SPRYD3: variants seen among roughly 807,000 people sequenced by gnomAD.
SPRYD3 encodes SPRY domain-containing protein 3.
SPRYD3 carries 17 observed loss-of-function variants against 50.1 expected under a neutral mutation model. The ratio of observed to expected loss-of-function variants is 0.34; its 90% CI spans 0.23 to 0.51. SPRYD3 has a LOEUF of 0.51. Ranked by LOEUF, SPRYD3 falls within the 20% of genes least tolerant of loss-of-function variation. SPRYD3 has a pLI of 0.97. For missense variants in SPRYD3, 401 were observed against 591.2 expected (o/e 0.68, Z 3.34); for synonymous variants, 198 against 215.5 (o/e 0.92, Z 0.71).
intron 1 of SPRYD3, 43 bp from the exon 2 acceptor site, chr12:53,077,304 G>A (rs750331609): frequency 2.9e-5 from 47 of 1,609,740 alleles, no homozygotes; most frequent in Non-Finnish European, 3.8e-5. Flanking sequence ...CAGGGCCCTA[G>A]GTAAAGCACC....
At chr12:53,077,776 A>C (rs909371097) in intron 1 of SPRYD3, among the ~76,000 whole-genome samples, 2 of 152,220 alleles carry the variant, frequency 1.3e-5, no homozygotes, top group African/African-American at 4.8e-5. Context: ...AATGTGAGGG[A>C]GAATGTACAA....
intron 10 of SPRYD3, 39 bp from the exon 11 acceptor site, chr12:53,066,005 T>C (rs377455505): frequency 6.2e-5 from 99 of 1,596,116 alleles, no homozygotes; most frequent in South Asian, 7.9e-5. Flanking sequence ...GCAAGCAGGC[T>C]GTGGCCTCTT....
chr12:53,073,396 C>A lies in SPRYD3; in HGVS notation c.583G>T (p.Val195Leu). Residue 195 changes from valine (V) to leucine (L), a missense_variant, in exon 6 of 11, where the codon GTG becomes TTG. Val to Leu is a conservative substitution (Grantham distance 32). Transcript: ENST00000301463. ...AGCTCAGCGTTGAGGTGCAGCCGCA[C>A]CTCCTCACCCAGGGAGTGCATGCCC... ...AVGMHSLGEE[V>L]RLHLNAELGR... 6.3e-7 allele frequency: 1 copy of A among 1,583,062 alleles called. No homozygotes were observed. The highest frequency in any genetic ancestry group is 8.6e-7 in the Non-Finnish European group (1 of 1,164,402).
intron 2 of SPRYD3, 62 bp from the exon 3 acceptor site, chr12:53,075,873 T>G: frequency 4.4e-6 from 6 of 1,349,966 alleles, no homozygotes; most frequent in Non-Finnish European, 6.4e-6. Flanking sequence ...GGGGAGGGCC[T>G]CAGCTTCTCC....
chr12:53,069,586 C>T (rs1442281746), intron 6 of SPRYD3, among the ~76,000 whole-genome samples: 7 of 152,194 alleles, frequency 4.6e-5, no homozygotes, highest in Non-Finnish European at 8.8e-5. Flanking sequence ...ATCTCAGCCC[C>T]GCCACCTCAA....
In SPRYD3 at chr12:53,074,954, G is replaced by A; in HGVS notation, c.371+141C>T. 1.5e-6 allele frequency: 2 copies of A among 1,364,372 alleles called. No homozygotes were observed. Among genetic ancestry groups the A allele is most frequent in the Non-Finnish European group, 2.1e-6 (2 of 975,326 alleles). The allele number at this position is 1,364,372 out of a possible 1,614,324, so 84.5% of individuals were successfully genotyped here. A position where few individuals can be genotyped will look rare whatever the true frequency, so the allele number is the denominator to read the frequency against. Reference sequence around the variant, plus strand: ...CTCCTCTAGTCTGTAAGCCTTCAAGGGTGCTGCCAGGCCACTTCCCTGTCC... The same window carrying A: ...CTCCTCTAGTCTGTAAGCCTTCAAGAGTGCTGCCAGGCCACTTCCCTGTCC... On this transcript the variant is annotated intron_variant, in intron 4 of 10. Coordinates refer to ENST00000301463, the MANE Select transcript of SPRYD3 (RefSeq NM_032840.3). This position sits in a 1 kb window ranked among gnomAD's most constrained non-coding sequence, Gnocchi z 4.6.
Position 53,074,230 on chromosome 12 carries a change from G to A in SPRYD3, c.507+419C>T, listed in dbSNP as rs975226465. Among the ~76,000 whole-genome samples the A allele has an allele frequency of 2.0e-5, 3 of 152,168 alleles. No individual in the cohort carries two copies. Among genetic ancestry groups the A allele is most frequent in the Admixed American group, 6.5e-5 (1 of 15,278 alleles). Reference sequence around the variant, plus strand: ...CTACGAACAGGATAGTGAAAGAGACGTGAAACAAGGAAAACAGGACACAGA... The same window carrying A: ...CTACGAACAGGATAGTGAAAGAGACATGAAACAAGGAAAACAGGACACAGA... On this transcript the variant is annotated intron_variant, in intron 5 of 10. Transcript: ENST00000301463. This position sits in a 1 kb window ranked among gnomAD's most constrained non-coding sequence, Gnocchi z 4.6.
rs1944511167 is a variant in SPRYD3 at position 53,066,660 on chromosome 12, C to A, written c.934G>T (p.Gly312Trp). 3 of 1,613,484 alleles carry A rather than the reference C, an allele frequency of 1.9e-6. No individual in the cohort carries two copies. Among genetic ancestry groups the A allele is most frequent in the Non-Finnish European group, 2.5e-6 (3 of 1,179,698 alleles). The change falls in exon 9 of 11, where the codon GGG becomes TGG. Residue 312 changes from glycine (G) to tryptophan (W), a missense_variant. Transcript: ENST00000301463. ...TAACAGCGTGGCCCAAAGGGGTCCC[C>A]CACACCACTGCCATGGAAGATCTTC... is the stretch of plus-strand genomic sequence containing the variant. ...DGKIFHGSGV[G>W]DPFGPRCYKG...
At chr12:53,073,259 C>CCCGGGGGGGGGGGGGGGGG in intron 6 of SPRYD3, 27 bp downstream of exon 6, 31 of 400,924 alleles carry the variant, frequency 7.7e-5, no homozygotes, top group Non-Finnish European at 9.6e-5. Flanking sequence ...CGACCCAGCC[C>CCCGGGGGGGGGGGGGGGGG]CTCCCACCCT....
intron 6 of SPRYD3, 30 bp downstream of exon 6, chr12:53,073,256 G>GCCCCCGGGGGGGGGCCCCCCCCCCCC: frequency 2.4e-6 from 1 of 424,134 alleles, no homozygotes; most frequent in Non-Finnish European, 4.4e-6. Flanking sequence ...CTCCGACCCA[G>GCCCCCGGGGGGGGGCCCCCCCCCCCC]CCCCTCCCAC....
Position 53,068,159 on chromosome 12 carries a change from C to T in SPRYD3, c.839G>A (p.Arg280Gln), listed in dbSNP as rs1202852245. The T allele has an allele frequency of 4.3e-6, 7 of 1,614,226 alleles. No individual in the cohort carries two copies. Among genetic ancestry groups the T allele is most frequent in the East Asian group, 4.5e-5 (2 of 44,886 alleles). The change falls in exon 7 of 11, where the codon CGG becomes CAG. Residue 280 changes from arginine (R) to glutamine (Q), a missense_variant. Transcript: ENST00000301463. ...EKCYIALGLA[R>Q]KDYPKNRHPG... ...AAGCTCAGCCTTTGTGCCCACCTTCCGTGCCAGCCCCAGGGCGATGTAGCA... is the reference window on the plus strand; with the variant it reads ...AAGCTCAGCCTTTGTGCCCACCTTCTGTGCCAGCCCCAGGGCGATGTAGCA...
rs1452219567 is a variant in SPRYD3 at position 53,065,024 on chromosome 12, G to C, written c.*808C>G. On this transcript the variant is annotated 3_prime_UTR_variant, in exon 11 of 11. Coordinates refer to ENST00000301463, the MANE Select transcript of SPRYD3 (RefSeq NM_032840.3). ...GGGGTCTTGCCCTCACGCTGGCAGGGAGACAGGCCCCAGAGCCTCAGCCCC... is the reference window on the plus strand; with the variant it reads ...GGGGTCTTGCCCTCACGCTGGCAGGCAGACAGGCCCCAGAGCCTCAGCCCC... 1 of 152,556 alleles carries C rather than the reference G, an allele frequency of 6.6e-6. No individual in the cohort carries two copies. Among genetic ancestry groups the C allele is most frequent in the African/African-American group, 2.4e-5 (1 of 41,474 alleles). The allele number at this position is 152,556 out of a possible 1,614,324, so 9.5% of individuals were successfully genotyped here.
chr12:53,073,258 C>CCCGGGGGGGGGGGGG, intron 6 of SPRYD3, 28 bp downstream of exon 6: 1 of 397,790 alleles, frequency 2.5e-6, no homozygotes. Context: ...CCGACCCAGC[C>CCCGGGGGGGGGGGGG]CCTCCCACCC....
In SPRYD3 at chr12:53,075,239, GCA is replaced by G. The variant is rs764839169; in HGVS notation, c.247-22_247-21del. On this transcript the variant is annotated intron_variant, in intron 3 of 10. Transcript: ENST00000301463. Reference sequence around the variant, plus strand: ...AGACACCTGGAGAGAAGAAAGCAGGGCACAGTCAGCAGGGCTGGGAAATGGGA... The same window carrying G: ...AGACACCTGGAGAGAAGAAAGCAGGGCAGTCAGCAGGGCTGGGAAATGGGA... The G allele has an allele frequency of 5.0e-6, 8 of 1,591,448 alleles. No individual in the cohort carries two copies. In the African/African-American group the frequency reaches 1.1e-4, roughly 21 times the overall value.
In SPRYD3 at chr12:53,077,181, C is replaced by T. The variant is rs1944595230; in HGVS notation, c.104G>A (p.Arg35Gln). 2 of 1,614,080 alleles carry T rather than the reference C, an allele frequency of 1.2e-6. No homozygotes were observed. The highest frequency in any genetic ancestry group is 1.1e-5 in the South Asian group (1 of 91,086). The stretch of plus-strand genomic sequence containing the variant: ...CTGATATCGGAAAGCTCGGACCTCT[C>T]GAATCTCCCGGATCCGCCGGCGCCA... ...LNWRRRIREI[R>Q]EVRAFRYQER... Residue 35 changes from arginine (R) to glutamine (Q), a missense_variant, in exon 2 of 11, where the codon CGA becomes CAA. Physicochemically the swap from Arg to Gln is conservative, Grantham distance 43 (BLOSUM62 1). Coordinates refer to ENST00000301463, the MANE Select transcript of SPRYD3 (RefSeq NM_032840.3).
intron 10 of SPRYD3, 41 bp from the exon 11 acceptor site, chr12:53,066,007 T>C (rs1247208182): frequency 6.3e-7 from 1 of 1,595,084 alleles, no homozygotes; most frequent in Non-Finnish European, 8.6e-7. Flanking sequence ...AAGCAGGCTG[T>C]GGCCTCTTCC....
chr12:53,065,753 G>T lies in SPRYD3; in HGVS notation c.*79C>A. ...TCCAGGGGCCTGCTGGGTAAACGAAGCCTCTGGGAAGTCAGGAACTGGGTG... is the reference window on the plus strand; with the variant it reads ...TCCAGGGGCCTGCTGGGTAAACGAATCCTCTGGGAAGTCAGGAACTGGGTG... On this transcript the variant is annotated 3_prime_UTR_variant, in exon 11 of 11. Transcript: ENST00000301463. 1 of 1,483,146 alleles carries T rather than the reference G, an allele frequency of 6.7e-7. No homozygotes were observed. The highest frequency in any genetic ancestry group is 9.2e-7 in the Non-Finnish European group (1 of 1,084,360). 91.9% of individuals were successfully genotyped at this position (1,483,146 alleles called of 1,614,324 possible). A position where few individuals can be genotyped will look rare whatever the true frequency, so the allele number is the denominator to read the frequency against.
At chr12:53,071,465 T>A (rs1031789593) in intron 6 of SPRYD3, among the ~76,000 whole-genome samples, 1 of 152,062 alleles carries the variant, frequency 6.6e-6, no homozygotes, top group South Asian at 2.1e-4. Flanking sequence ...CCTCAACCCC[T>A]CAGAGCTCTG....
Position 53,066,691 on chromosome 12 carries a change from GTC to G in SPRYD3, c.902-1_902del. ...CACTGCCATGGAAGATCTTCCCATCGTCTGTTGGAGGGAGGGGAAAGGACAAA... is the reference window on the plus strand; with the variant it reads ...CACTGCCATGGAAGATCTTCCCATCGTGTTGGAGGGAGGGGAAAGGACAAA... On this transcript the variant is annotated splice_acceptor_variant and coding_sequence_variant, in exon 9 of 11. Transcript: ENST00000301463. LOFTEE classifies it high-confidence loss of function. 6.2e-7 allele frequency: 1 copy of G among 1,606,920 alleles called. No homozygotes were observed. Among genetic ancestry groups the G allele is most frequent in the Non-Finnish European group, 8.5e-7 (1 of 1,175,596 alleles).
Sources: gnomAD v4.1 joint callset for allele counts (sites outside exome capture counted in the v4.1 genomes callset) on GRCh38, gnomAD v4.1.1 for gene constraint, Gnocchi (gnomAD v3.1) non-coding constraint, MANE v1.5 for transcripts, NCBI Gene and HGNC (gene_info 2026-07-23, HGNC 2026-07-21) for gene names.